Variants in TIAL1 observed in about 807,000 individuals in gnomAD.
TIAL1 encodes the protein TIA1 cytotoxic granule associated RNA binding protein like 1.
In TIAL1, 7 loss-of-function variants were observed where a neutral mutation model predicts 59.7. That is an observed-to-expected ratio of 0.12 (90% CI 0.07 to 0.22). TIAL1 has a LOEUF of 0.22. TIAL1 is among the 10% of genes least tolerant of loss of function. The probability of loss-of-function intolerance (pLI) is 1.00; values close to 1 mark genes in which losing one functional copy is unlikely to be tolerated. For synonymous variants in TIAL1, 149 were observed against 146.3 expected (o/e 1.02, Z -0.13); for missense variants, 225 against 462.5 (o/e 0.49, Z 4.71).
intron 5 of TIAL1, chr10:119,580,960 T>A: frequency 2.7e-6 from 1 of 374,034 alleles, no homozygotes; most frequent in Non-Finnish European, 3.9e-6. Context: ...ATTTTTATAT[T>A]GATTTTTAAA....
intron 1 of TIAL1, among the ~76,000 whole-genome samples, chr10:119,595,266 C>T (rs896432368): frequency 7.9e-5 from 12 of 152,182 alleles, no homozygotes; most frequent in East Asian, 5.8e-4. Flanking sequence ...AAAGCAATTT[C>T]CCCATCAGAG....
intron 2 of TIAL1, among the ~76,000 whole-genome samples, chr10:119,587,787 A>G (rs1845644288): frequency 1.3e-5 from 2 of 152,228 alleles, no homozygotes; most frequent in Non-Finnish European, 2.9e-5. Flanking sequence ...CTACACACAT[A>G]ATAACTTCGT....
intron 1 of TIAL1, chr10:119,593,340 G>T: frequency 2.8e-6 from 1 of 354,182 alleles, no homozygotes; most frequent in Non-Finnish European, 4.0e-6. Flanking sequence ...GACCTTTAAA[G>T]CAACTATATG....
At position 119,575,528 on chromosome 10, in the gene TIAL1, A is replaced by C; in HGVS notation, c.*137T>G. ...AAGACACGTGTCCTTCACCAAAGCA[A>C]ATCTGTGCTAAAGGTTCCAAACATT... On this transcript the variant is annotated 3_prime_UTR_variant, in exon 12 of 12. Transcript: ENST00000436547. The C allele has an allele frequency of 8.4e-7, 1 of 1,194,572 alleles. No individual in the cohort carries two copies. Among genetic ancestry groups the C allele is most frequent in the Admixed American group, 2.2e-5 (1 of 45,208 alleles). The allele number at this position is 1,194,572 out of a possible 1,614,324, so 74.0% of individuals were successfully genotyped here. A position where few individuals can be genotyped will look rare whatever the true frequency, so the allele number is the denominator to read the frequency against.
intron 1 of TIAL1, 91 bp from the exon 2 acceptor site, chr10:119,588,339 CTTTCTTTCTTTCT>C: frequency 4.7e-6 from 3 of 638,242 alleles, no homozygotes. Flanking sequence ...TTCTTTCTTT[CTTTCTTTCTTTCT>C]TTTTTTTTTA....
intron 1 of TIAL1, 109 bp downstream of exon 1, chr10:119,596,325 G>C (rs1041148335): frequency 1.6e-6 from 2 of 1,269,456 alleles, no homozygotes; most frequent in Non-Finnish European, 2.3e-6. Flanking sequence ...CCCTGGTCAG[G>C]GAGCCGCCTA....
rs771808420 is a variant in TIAL1, at chr10:119,577,733, T to C, written c.560A>G (p.Asn187Ser). Reference protein sequence around the residue: ...PPAPKSTQENNTKQLRFEDVV... With the variant: ...PPAPKSTQENSTKQLRFEDVV... Reference sequence around the variant, plus strand: ...ATCTTCAAATCTCAACTGCTTAGTGTTGTCTGTATGCAGAAACAAAACAAA... The same window carrying C: ...ATCTTCAAATCTCAACTGCTTAGTGCTGTCTGTATGCAGAAACAAAACAAA... Residue 187 changes from asparagine (N) to serine (S), a missense_variant, in exon 8 of 12, where the codon AAC becomes AGC. Around this residue, in one of 4 missense-constraint regions of TIAL1, gnomAD observed 80 missense variants for 158.8 expected, o/e 0.50. Transcript: ENST00000436547. 2.7e-5 allele frequency: 43 copies of C among 1,613,164 alleles called. No individual in the cohort carries two copies. The highest frequency in any genetic ancestry group is 3.6e-5 in the Non-Finnish European group (43 of 1,179,246).
intron 2 of TIAL1, among the ~76,000 whole-genome samples, chr10:119,584,889 G>A (rs1343547461): frequency 2.0e-5 from 3 of 151,958 alleles, no homozygotes; most frequent in Non-Finnish European, 4.4e-5. Flanking sequence ...GGCGGTTCAC[G>A]AGGTCAGAAG....
In TIAL1 at chr10:119,588,091, A is replaced by G. The variant is rs1845662066; in HGVS notation, c.129+61T>C. 1.5e-5 allele frequency: 15 copies of G among 1,020,080 alleles called. No individual in the cohort carries two copies. In the South Asian group the frequency reaches 3.0e-4, roughly 20 times the overall value. The allele number at this position is 1,020,080 out of a possible 1,614,324, so 63.2% of individuals were successfully genotyped here. On this transcript the variant is annotated intron_variant, in intron 2 of 11. Coordinates refer to ENST00000436547, the MANE Select transcript of TIAL1 (RefSeq NM_003252.4). ...AACTTGAGGCTTACAATGAAATTTT[A>G]AAATCATGCTAATCAACCCATCATG...
intron 5 of TIAL1, among the ~76,000 whole-genome samples, chr10:119,581,489 G>A (rs1845303916): frequency 6.6e-6 from 1 of 151,734 alleles, no homozygotes; most frequent in South Asian, 2.1e-4. Context: ...TATATCCAAG[G>A]ATTTACCTAC....
Position 119,596,820 on chromosome 10 carries a change from C to G in TIAL1, c.-355G>C, listed in dbSNP as rs528192445. 6.6e-5 allele frequency: 20 copies of G among 303,556 alleles called. No homozygotes were observed. Among genetic ancestry groups the G allele is most frequent in the African/African-American group, 4.4e-4 (20 of 45,188 alleles). The allele number at this position is 303,556 out of a possible 1,614,324, so 18.8% of individuals were successfully genotyped here. On this transcript the variant is annotated 5_prime_UTR_variant, in exon 1 of 12. Coordinates refer to ENST00000436547, the MANE Select transcript of TIAL1 (RefSeq NM_003252.4). Reference sequence around the variant, plus strand: ...CGCCGAGGAAACCCTGGGACCCGCTCACGACGGATCACGTCGTCGCTGTGG... The same window carrying G: ...CGCCGAGGAAACCCTGGGACCCGCTGACGACGGATCACGTCGTCGCTGTGG...
rs1429472080 is a variant in TIAL1, at chr10:119,588,610, C to G, written c.33-362G>C. 2.0e-5 allele frequency among the ~76,000 whole-genome samples: 3 copies of G among 152,328 alleles called. No individual in the cohort carries two copies. The East Asian group carries it at 5.8e-4, about 29-fold the overall frequency. On this transcript the variant is annotated intron_variant, in intron 1 of 11. Transcript: ENST00000436547. ...CTGTCCGCCTTGGCCTCCCAAAGTGCTGGAATTACAAGCGTGAGCCACTGC... is the reference window on the plus strand; with the variant it reads ...CTGTCCGCCTTGGCCTCCCAAAGTGGTGGAATTACAAGCGTGAGCCACTGC...
intron 10 of TIAL1, 83 bp downstream of exon 10, chr10:119,576,996 AT>A: frequency 6.6e-7 from 1 of 1,524,592 alleles, no homozygotes. Flanking sequence ...GCTTTATTTT[AT>A]TGTTCATTTT....
chr10:119,575,582 T>C lies in TIAL1; in HGVS notation c.*83A>G. ...ATTTTTAAAATAAATATTTTCATTT[T>C]CCGATGTCTACTTTCATGTCTTCAG... On this transcript the variant is annotated 3_prime_UTR_variant, in exon 12 of 12. Coordinates refer to ENST00000436547, the MANE Select transcript of TIAL1 (RefSeq NM_003252.4). The C allele has an allele frequency of 6.5e-7, 1 of 1,533,850 alleles. No individual in the cohort carries two copies. Among genetic ancestry groups the C allele is most frequent in the East Asian group, 2.3e-5 (1 of 43,946 alleles).
At chr10:119,584,907 C>T (rs369702711) in intron 2 of TIAL1, among the ~76,000 whole-genome samples, 4 of 151,744 alleles carry the variant, frequency 2.6e-5, no homozygotes, top group African/African-American at 7.3e-5. Flanking sequence ...AAGATCAAGA[C>T]CATCCTGGCT....
chr10:119,581,300 C>T (rs1162415321), intron 5 of TIAL1, among the ~76,000 whole-genome samples: 2 of 151,830 alleles, frequency 1.3e-5, no homozygotes, highest in Non-Finnish European at 2.9e-5. Context: ...AAAATCAAAC[C>T]ACATTTGCCT....
chr10:119,574,613 A>C lies in TIAL1; in HGVS notation c.*1052T>G, dbSNP rs949806556. The C allele has an allele frequency of 6.6e-6, 1 of 151,738 alleles. No homozygotes were observed. The highest frequency in any genetic ancestry group is 1.5e-5 in the Non-Finnish European group (1 of 67,850). 9.4% of individuals were successfully genotyped at this position (151,738 alleles called of 1,614,324 possible). Reference sequence around the variant, plus strand: ...AAAAAAAAAAAAAAAAAAAACAAAAACAAAAAACTAATTCCCAATGACATT... The same window carrying C: ...AAAAAAAAAAAAAAAAAAAACAAAACCAAAAAACTAATTCCCAATGACATT... On this transcript the variant is annotated 3_prime_UTR_variant, in exon 12 of 12. Coordinates refer to ENST00000436547, the MANE Select transcript of TIAL1 (RefSeq NM_003252.4).
At chr10:119,584,783 C>T (rs1466675437) in intron 2 of TIAL1, among the ~76,000 whole-genome samples, 12 of 151,716 alleles carry the variant, frequency 7.9e-5, no homozygotes, top group Admixed American at 6.6e-4. Context: ...GAGCCAAGAT[C>T]GTGCCACTGC....
intron 2 of TIAL1, among the ~76,000 whole-genome samples, chr10:119,587,380 A>T (rs543104803): frequency 6.6e-6 from 1 of 152,152 alleles, no homozygotes; most frequent in Admixed American, 6.5e-5. Flanking sequence ...TATCCTTTCA[A>T]GGTTTCCGCC....
Sources: gnomAD v4.1 joint callset for allele counts (sites outside exome capture counted in the v4.1 genomes callset) on GRCh38, gnomAD v4.1.1 for gene constraint, gnomAD v4.1.1 regional missense constraint, MANE v1.5 for transcripts, NCBI Gene and HGNC (gene_info 2026-07-23, HGNC 2026-07-21) for gene names.